The following DENND6A variants were observed in gnomAD, a reference collection of about 807,000 sequenced individuals.
DENND6A encodes DENN domain containing 6A.
Under a neutral mutation model 95.5 loss-of-function variants are expected in DENND6A, and 43 were observed. The observed-to-expected ratio is 0.45, with a 90% CI of 0.35 to 0.58. DENND6A has a LOEUF of 0.58. DENND6A is among the 20% of genes least tolerant of loss of function. DENND6A has a pLI of 0.00. For missense variants in DENND6A, 574 were observed against 736.0 expected (o/e 0.78, Z 2.55); for synonymous variants, 257 against 260.4 (o/e 0.99, Z 0.13).
chr3:57,663,851 G>C, intron 4 of DENND6A, 135 bp from the exon 5 acceptor site: 1 of 436,128 alleles, frequency 2.3e-6, no homozygotes, highest in Admixed American at 4.3e-5. Context: ...AGATATACAC[G>C]AAGAGCTAGT....
chr3:57,674,592 C>A (rs185359123), intron 1 of DENND6A, among the ~76,000 whole-genome samples: 1 of 152,068 alleles, frequency 6.6e-6, no homozygotes, highest in Non-Finnish European at 1.5e-5. Flanking sequence ...GGCCCAAGAT[C>A]GTGCCACTGC....
chr3:57,634,477 T>A, intron 14 of DENND6A, 81 bp downstream of exon 14: 2 of 665,546 alleles, frequency 3.0e-6, no homozygotes, highest in Non-Finnish European at 2.2e-6. Flanking sequence ...CACATTAGTA[T>A]ACATAAAGGA....
intron 12 of DENND6A, among the ~76,000 whole-genome samples, chr3:57,639,540 T>C (rs2070878079): frequency 6.6e-6 from 1 of 152,202 alleles, no homozygotes; most frequent in African/African-American, 2.4e-5. Context: ...TAAATTAAGA[T>C]TTAAAAAAAT....
chr3:57,668,714 T>A (rs1413005276), intron 3 of DENND6A, among the ~76,000 whole-genome samples: 1 of 152,224 alleles, frequency 6.6e-6, no homozygotes, highest in Non-Finnish European at 1.5e-5. Context: ...TGTGTCATTT[T>A]TTCATCCAGT....
chr3:57,656,136 A>G (rs1163560555), intron 9 of DENND6A, among the ~76,000 whole-genome samples: 2 of 152,242 alleles, frequency 1.3e-5, no homozygotes, highest in Non-Finnish European at 2.9e-5. Flanking sequence ...CCAAAGATCT[A>G]GAATAGTTCC....
chr3:57,683,014 T>C (rs1312287394), intron 1 of DENND6A, among the ~76,000 whole-genome samples: 4 of 152,208 alleles, frequency 2.6e-5, no homozygotes, highest in Admixed American at 6.5e-5. Flanking sequence ...AGTTAAATTC[T>C]GGAGAGCAGG....
rs2070531197 is a variant in DENND6A, at chr3:57,626,510, G to A, written c.*1704C>T. The stretch of plus-strand genomic sequence containing the variant: ...GGATCACCTGAGGTCGGGAGTTTGA[G>A]ACCAGCCTGACCAACATGGAGAAAC... On this transcript the variant is annotated 3_prime_UTR_variant, in exon 20 of 20. Transcript: ENST00000311128. 6.6e-6 allele frequency: 1 copy of A among 152,118 alleles called. No homozygotes were observed. The highest frequency in any genetic ancestry group is 6.6e-5 in the Admixed American group (1 of 15,254). 9.4% of individuals were successfully genotyped at this position (152,118 alleles called of 1,614,324 possible).
At chr3:57,632,442 C>T (rs2070706652) in intron 15 of DENND6A, among the ~76,000 whole-genome samples, 1 of 152,030 alleles carries the variant, frequency 6.6e-6, no homozygotes, top group African/African-American at 2.4e-5. Flanking sequence ...ACCTTCGCCT[C>T]CCAAAGTGGC....
rs1355687921 is a variant in DENND6A, at chr3:57,628,234, G to A, written c.1807C>T (p.Leu603Phe). ...ALPEDLQGIL[L>F]KTGMT Reference sequence around the variant, plus strand: ...AAATATCATGTCATGCCCGTTTTGAGCAGTATGCCTTGCAAGTCCTCTGGC... The same window carrying A: ...AAATATCATGTCATGCCCGTTTTGAACAGTATGCCTTGCAAGTCCTCTGGC... The change falls in exon 20 of 20, where the codon CTC (leucine) becomes TTC (phenylalanine). Residue 603 changes from leucine (L) to phenylalanine (F), a missense_variant. Coordinates refer to ENST00000311128, the MANE Select transcript of DENND6A (RefSeq NM_152678.3). 3.7e-6 allele frequency: 6 copies of A among 1,613,436 alleles called. No homozygotes were observed. Among genetic ancestry groups the A allele is most frequent in the East Asian group, 2.2e-5 (1 of 44,866 alleles).
intron 11 of DENND6A, among the ~76,000 whole-genome samples, chr3:57,644,165 A>G (rs532772403): frequency 1.1e-3 from 166 of 151,860 alleles, no homozygotes; most frequent in Non-Finnish European, 2.0e-3. Flanking sequence ...AAAAAAAAAA[A>G]AACTATCAGT....
intron 1 of DENND6A, among the ~76,000 whole-genome samples, chr3:57,676,007 A>C (rs925052936): frequency 2.6e-5 from 4 of 151,938 alleles, no homozygotes; most frequent in Non-Finnish European, 4.4e-5. Flanking sequence ...AAGCACATAA[A>C]GGCTGCAGCG....
At chr3:57,673,213 C>CAAAA (rs386396751) in intron 1 of DENND6A, among the ~76,000 whole-genome samples, 60 of 69,658 alleles carry the variant, frequency 8.6e-4, no homozygotes, top group African/African-American at 1.7e-3. Flanking sequence ...CATTTCGTAT[C>CAAAA]AAAAAAAAAA....
intron 12 of DENND6A, among the ~76,000 whole-genome samples, chr3:57,640,280 A>C (rs984294340): frequency 2.0e-5 from 3 of 146,666 alleles, no homozygotes; most frequent in Admixed American, 1.3e-4. Flanking sequence ...AAAAAAAAAA[A>C]CAAAAAAAAA....
rs565663433 is a variant in DENND6A at position 57,626,252 on chromosome 3, C to T, written c.*1962G>A. ...GACCACAGTTACAAACGCAAGGAGT[C>T]TTTCTTGGGTCAGGAATGCCCTTAA... On this transcript the variant is annotated 3_prime_UTR_variant, in exon 20 of 20. Transcript: ENST00000311128. 3 of 152,592 alleles carry T rather than the reference C, an allele frequency of 2.0e-5. No individual in the cohort carries two copies. The highest frequency in any genetic ancestry group is 2.0e-4 in the Admixed American group (3 of 15,276). 9.5% of individuals were successfully genotyped at this position (152,592 alleles called of 1,614,324 possible). A position where few individuals can be genotyped will look rare whatever the true frequency, so the allele number is the denominator to read the frequency against.
At chr3:57,689,666 C>T (rs958002511) in intron 1 of DENND6A, among the ~76,000 whole-genome samples, 4 of 152,196 alleles carry the variant, frequency 2.6e-5, no homozygotes, top group Non-Finnish European at 5.9e-5. Context: ...GAGTAGGAAC[C>T]TGCCCCAAAC....
chr3:57,633,219 C>G (rs1448896612), intron 15 of DENND6A, 46 bp downstream of exon 15: 2 of 1,485,090 alleles, frequency 1.3e-6, no homozygotes, highest in Non-Finnish European at 1.9e-6. Flanking sequence ...TTTATATACC[C>G]TTCACCAAAT....
rs1236309819 is a variant in DENND6A at position 57,632,058 on chromosome 3, TC to T, written c.1354-1081del. Among the ~76,000 whole-genome samples, 4 of 140,122 alleles carry T rather than the reference TC, an allele frequency of 2.9e-5. No individual in the cohort carries two copies. The East Asian group carries it at 8.6e-4, about 30-fold the overall frequency. 91.9% of individuals were successfully genotyped at this position (140,122 alleles called of 152,430 possible). A position where few individuals can be genotyped will look rare whatever the true frequency, so the allele number is the denominator to read the frequency against. ...TTTTTTGAGACGGAGTCTCACTCTT[TC>T]GCCCAGGCTGAGTGCAGTGGCGCGA... is the stretch of plus-strand genomic sequence containing the variant. On this transcript the variant is annotated intron_variant, in intron 15 of 19. Transcript: ENST00000311128.
intron 1 of DENND6A, among the ~76,000 whole-genome samples, chr3:57,679,824 G>A (rs1210837631): frequency 1.3e-5 from 2 of 152,164 alleles, no homozygotes; most frequent in African/African-American, 4.8e-5. Flanking sequence ...AAAAATACAG[G>A]CTGGGAAGGC....
intron 3 of DENND6A, among the ~76,000 whole-genome samples, chr3:57,668,924 G>A (rs2071569369): frequency 6.6e-6 from 1 of 152,148 alleles, no homozygotes; most frequent in Non-Finnish European, 1.5e-5. Flanking sequence ...CCAGCCTGGA[G>A]TGCAGTGGCA....
Sources: gnomAD v4.1 joint callset for allele counts (sites outside exome capture counted in the v4.1 genomes callset) on GRCh38, gnomAD v4.1.1 for gene constraint, MANE v1.5 for transcripts, NCBI Gene and HGNC (gene_info 2026-07-23, HGNC 2026-07-21) for gene names.